NOS1: variants seen among roughly 807,000 people sequenced by gnomAD.
The protein encoded by NOS1 is NOS type I.
A neutral mutation model predicts 164.5 loss-of-function variants in NOS1; 51 were observed. The observed-to-expected ratio is 0.31, with a 90% confidence interval of 0.25 to 0.39. NOS1 has a LOEUF of 0.39. Ranked by LOEUF, NOS1 falls within the 10% of genes least tolerant of loss-of-function variation. The pLI is 1.00. For synonymous variants in NOS1, 719 were observed against 745.8 expected, an observed-to-expected ratio of 0.96 and a Z score of 0.59; for missense variants, 1,362 against 1,885.6, an observed-to-expected ratio of 0.72 and a Z score of 5.14.
chr12:117,335,729 T>TGAGAGAGAGAGAGAGAGAGAGCGAGA (rs1875777477), intron 1 of NOS1, among the ~76,000 whole-genome samples: 1 of 112,540 alleles, frequency 8.9e-6, no homozygotes, highest in Non-Finnish European at 1.8e-5. Flanking sequence ...ACAGACTATA[T>TGAGAGAGAGAGAGAGAGAGAGCGAGA]GAGAGAGAGA....
chr12:117,283,194 G>A (rs1873830828), intron 7 of NOS1, among the ~76,000 whole-genome samples: 1 of 151,776 alleles, frequency 6.6e-6, no homozygotes, highest in African/African-American at 2.4e-5. Context: ...CCAAGTAGCT[G>A]GGACTACAGG....
At chr12:117,237,460 C>T (rs1373398545) in intron 20 of NOS1, among the ~76,000 whole-genome samples, 1 of 151,848 alleles carries the variant, frequency 6.6e-6, no homozygotes, top group African/African-American at 2.4e-5. Flanking sequence ...AAGCTTGGGA[C>T]ACATATGGGC....
intron 1 of NOS1, chr12:117,348,017 ATTTTTTTTTT>A (rs5801226): frequency 2.0e-5 from 2 of 101,878 alleles, no homozygotes; most frequent in East Asian, 2.8e-4. Flanking sequence ...GATCCCCTAC[ATTTTTTTTTT>A]TTTTTTTTTT....
intron 21 of NOS1, among the ~76,000 whole-genome samples, chr12:117,233,808 CAAAA>C (rs374050465): frequency 2.3e-4 from 13 of 57,072 alleles, no homozygotes; most frequent in Admixed American, 2.1e-3. Context: ...AAGTCTGTCT[CAAAA>C]AAAAAAAAAA....
At chr12:117,235,778 C>T (rs1002223433) in intron 20 of NOS1, among the ~76,000 whole-genome samples, 1 of 152,172 alleles carries the variant, frequency 6.6e-6, no homozygotes, top group East Asian at 1.9e-4. Context: ...CACGGTGGCT[C>T]ACGCCTGTAA....
intron 3 of NOS1, among the ~76,000 whole-genome samples, chr12:117,297,474 C>T (rs1873497358): frequency 6.6e-6 from 1 of 152,096 alleles, no homozygotes; most frequent in Non-Finnish European, 1.5e-5. Flanking sequence ...TCACTGCAAC[C>T]TCTGCCTCAT....
chr12:117,210,767 C>G lies in NOS1; in HGVS notation c.*4542G>C. The G allele has an allele frequency of 1.0e-6, 1 of 985,330 alleles. No individual in the cohort carries two copies. Among genetic ancestry groups the G allele is most frequent in the Non-Finnish European group, 1.2e-6 (1 of 829,982 alleles). The allele number at this position is 985,330 out of a possible 1,614,324, so 61.0% of individuals were successfully genotyped here. A position where few individuals can be genotyped will look rare whatever the true frequency, so the allele number is the denominator to read the frequency against. ...TGGTCAGAAGATTCTGTGTTCTTAG[C>G]CAATGTCTACTGGCTGGGGGTCAGT... On this transcript the variant is annotated 3_prime_UTR_variant, in exon 29 of 29. Transcript: ENST00000317775.
chr12:117,229,367 A>G (rs1868986670), intron 22 of NOS1, among the ~76,000 whole-genome samples: 1 of 151,886 alleles, frequency 6.6e-6, no homozygotes, highest in Non-Finnish European at 1.5e-5. Context: ...TTCCCATCCA[A>G]CCTTTCTTCC....
intron 10 of NOS1, among the ~76,000 whole-genome samples, chr12:117,270,328 G>A (rs1872702705): frequency 6.6e-6 from 1 of 152,040 alleles, no homozygotes; most frequent in Non-Finnish European, 1.5e-5. Context: ...GAATTGGAGG[G>A]TCGGGGTGGG....
intron 1 of NOS1, chr12:117,348,017 ATTTTTTTTTTTTT>A: frequency 9.8e-6 from 1 of 101,882 alleles, no homozygotes; most frequent in South Asian, 3.4e-4. Context: ...GATCCCCTAC[ATTTTTTTTTTTTT>A]TTTTTTTTTT....
At chr12:117,245,118 G>T (rs957469000) in intron 18 of NOS1, among the ~76,000 whole-genome samples, 1 of 152,188 alleles carries the variant, frequency 6.6e-6, no homozygotes. Flanking sequence ...TAGCCCAGGG[G>T]CCTCAGCTTC....
intron 20 of NOS1, among the ~76,000 whole-genome samples, chr12:117,236,718 C>T (rs537818859): frequency 1.3e-4 from 20 of 152,330 alleles, no homozygotes; most frequent in Admixed American, 5.9e-4. Context: ...CCAAAGGAAG[C>T]CTTTGAAAGG....
chr12:117,270,633 T>C (rs1872720734), intron 10 of NOS1, among the ~76,000 whole-genome samples: 1 of 151,972 alleles, frequency 6.6e-6, no homozygotes, highest in Non-Finnish European at 1.5e-5. Context: ...AGAAATTAAT[T>C]GCAGGGAAAA....
chr12:117,314,895 C>CT (rs1566072676), intron 2 of NOS1, among the ~76,000 whole-genome samples: 2 of 152,180 alleles, frequency 1.3e-5, no homozygotes, highest in Non-Finnish European at 2.9e-5. Flanking sequence ...GAGATCCTTC[C>CT]TTTTTTAAAA....
chr12:117,328,072 C>A lies in NOS1; in HGVS notation c.725+2273G>T, dbSNP rs529526026. On this transcript the variant is annotated intron_variant, in intron 2 of 28. Coordinates refer to ENST00000317775, the MANE Select transcript of NOS1 (RefSeq NM_000620.5). ...TCAAACACGTTAAGCACACTCCTAC[C>A]TGAGGACTCTGCACAGGATCTTCTC... Among the ~76,000 whole-genome samples, 3 of 152,244 alleles carry A rather than the reference C, an allele frequency of 2.0e-5. No homozygotes were observed. The East Asian group carries it at 5.8e-4, about 29-fold the overall frequency.
intron 1 of NOS1, among the ~76,000 whole-genome samples, chr12:117,339,121 G>A (rs1346324716): frequency 6.6e-6 from 1 of 152,188 alleles, no homozygotes; most frequent in Non-Finnish European, 1.5e-5. Context: ...AAGCTGAAGT[G>A]CTTTCTCCCA....
At chr12:117,317,485 C>T (rs1235683625) in intron 2 of NOS1, among the ~76,000 whole-genome samples, 1 of 149,648 alleles carries the variant, frequency 6.7e-6, no homozygotes, top group Non-Finnish European at 1.5e-5. Context: ...CCAAAATTGT[C>T]ACAACCAAAA....
At chr12:117,343,784 A>T (rs1240179124) in intron 1 of NOS1, among the ~76,000 whole-genome samples, 3 of 152,144 alleles carry the variant, frequency 2.0e-5, no homozygotes, top group Admixed American at 6.6e-5. Context: ...GGTGTAGGGG[A>T]GCTGAGTCAA....
intron 1 of NOS1, among the ~76,000 whole-genome samples, chr12:117,351,649 A>G (rs1396177003): frequency 4.6e-5 from 7 of 152,072 alleles, no homozygotes; most frequent in African/African-American, 1.7e-4. Context: ...CTAATCACCA[A>G]CCTCAACCTT....
Sources: allele counts gnomAD v4.1 joint callset (sites outside exome capture counted in the v4.1 genomes callset), GRCh38; gene constraint gnomAD v4.1.1; transcripts MANE v1.5; gene names NCBI Gene and HGNC (gene_info 2026-07-23, HGNC 2026-07-21).